Variants in SPC24 observed in about 807,000 individuals in gnomAD.
SPC24 encodes the protein SPC24 component of NDC80 kinetochore complex.
Under a neutral mutation model 27.6 loss-of-function variants are expected in SPC24, and 31 were observed. The ratio of observed to expected loss-of-function variants is 1.12; its 90% confidence interval spans 0.84 to 1.52. The LOEUF is 1.52. Ranked by LOEUF, SPC24 falls within the 40% of genes most tolerant of loss-of-function variation. The pLI is 0.00. For missense variants in SPC24, 284 were observed against 252.5 expected, an observed-to-expected ratio of 1.12 and a Z score of -0.84; for synonymous variants, 105 against 105.8, an observed-to-expected ratio of 0.99 and a Z score of 0.05.
chr19:11,147,924 A>G (rs1568630651), intron 3 of SPC24, 30 bp from the exon 4 acceptor site: 14 of 685,376 alleles, frequency 2.0e-5, no homozygotes, highest in South Asian at 3.8e-5. Context: ...AAAAAAAAAA[A>G]AAAAAAGAAA....
At position 11,148,126 on chromosome 19, in the gene SPC24, G is replaced by A; in HGVS notation, c.306-9C>T. 1 of 1,606,062 alleles carries A rather than the reference G, an allele frequency of 6.2e-7. No homozygotes were observed. Among genetic ancestry groups the A allele is most frequent in the South Asian group, 1.1e-5 (1 of 90,534 alleles). ...GCTCTCTGGTGAGCTGAGTAGGGCAGGTCGTTAAGGACCCCGGCTTTCGAG... is the reference window on the plus strand; with the variant it reads ...GCTCTCTGGTGAGCTGAGTAGGGCAAGTCGTTAAGGACCCCGGCTTTCGAG... On this transcript the variant is annotated splice_polypyrimidine_tract_variant and intron_variant, in intron 2 of 4. Coordinates refer to ENST00000592540, the MANE Select transcript of SPC24 (RefSeq NM_182513.4).
At chr19:11,154,317 T>G (rs2077895382) in intron 1 of SPC24, among the ~76,000 whole-genome samples, 1 of 152,040 alleles carries the variant, frequency 6.6e-6, no homozygotes, top group Non-Finnish European at 1.5e-5. Flanking sequence ...AGGTGGGCGA[T>G]CACTTGAGGC....
chr19:11,147,384 A>G (rs1434153709), intron 4 of SPC24, 95 bp from the exon 5 acceptor site: 5 of 823,094 alleles, frequency 6.1e-6, no homozygotes, highest in African/African-American at 5.2e-5. Flanking sequence ...TTTTTGAGAC[A>G]AAGTTTCATT....
In SPC24 at chr19:11,155,689, G is replaced by A. The variant is rs1414034183; in HGVS notation, c.88C>T (p.Leu30=). The part of the protein sequence containing the change: ...ANRAEAQQRR[L]LGRHEQVVER... ...ACCACCTGCTCGTGGCGCCCCAGCA[G>A]CCGTCGCTGCTGCGCCTCCGCGCGG... The change falls in exon 1 of 5, where the codon CTG becomes TTG. Residue 30 remains leucine, a synonymous_variant. Transcript: ENST00000592540. 1 of 1,565,142 alleles carries A rather than the reference G, an allele frequency of 6.4e-7. No homozygotes were observed. The highest frequency in any genetic ancestry group is 8.6e-7 in the Non-Finnish European group (1 of 1,163,188).
At chr19:11,149,038 C>T (rs902306954) in intron 2 of SPC24, 56 bp downstream of exon 2, 17 of 1,413,486 alleles carry the variant, frequency 1.2e-5, no homozygotes, top group African/African-American at 1.2e-4. Context: ...TGAGCCACTG[C>T]GCCTGGCCCT....
intron 1 of SPC24, among the ~76,000 whole-genome samples, chr19:11,151,690 A>T (rs1021950833): frequency 6.6e-5 from 10 of 151,438 alleles, no homozygotes; most frequent in African/African-American, 2.4e-4. Context: ...GCTCACTGCA[A>T]CCTCCGCCTC....
intron 2 of SPC24, among the ~76,000 whole-genome samples, chr19:11,148,598 G>A (rs956507067): frequency 4.6e-5 from 7 of 151,522 alleles, no homozygotes; most frequent in African/African-American, 7.3e-5. Context: ...CTCCCACCTC[G>A]GCCTCCCAAG....
chr19:11,147,442 C>A (rs1009571898), intron 4 of SPC24, among the ~76,000 whole-genome samples, 153 bp from the exon 5 acceptor site: 22 of 151,810 alleles, frequency 1.4e-4, no homozygotes, highest in Non-Finnish European at 3.2e-4. Context: ...CTCATTGCAA[C>A]CTCCACCTCC....
chr19:11,149,857 C>T (rs888254648), intron 1 of SPC24, among the ~76,000 whole-genome samples: 4 of 151,054 alleles, frequency 2.6e-5, no homozygotes, highest in Non-Finnish European at 4.4e-5. Context: ...ATTACATGCG[C>T]CTGCCACGAC....
chr19:11,147,603 TTACTA>T lies in SPC24; in HGVS notation c.487+210_487+214del, dbSNP rs2077836607. On this transcript the variant is annotated intron_variant, in intron 4 of 4. Transcript: ENST00000592540. ...GGTACCACACTTGGCCTGCTATACT[TTACTA>T]TATTTATTATAGACGTGGGGTCTCA... 5.1e-6 allele frequency: 3 copies of T among 588,122 alleles called. No individual in the cohort carries two copies. In the Admixed American group the frequency reaches 9.0e-5, roughly 18 times the overall value. The allele number at this position is 588,122 out of a possible 1,614,324, so 36.4% of individuals were successfully genotyped here. A position where few individuals can be genotyped will look rare whatever the true frequency, so the allele number is the denominator to read the frequency against.
At chr19:11,152,751 G>T (rs1395508137) in intron 1 of SPC24, among the ~76,000 whole-genome samples, 2 of 152,080 alleles carry the variant, frequency 1.3e-5, no homozygotes, top group East Asian at 1.9e-4. Flanking sequence ...CATCAAAGGA[G>T]GGGGAGTTAA....
At chr19:11,148,646 TATTG>T (rs1001709255) in intron 2 of SPC24, among the ~76,000 whole-genome samples, 10 of 151,514 alleles carry the variant, frequency 6.6e-5, no homozygotes, top group East Asian at 2.0e-4. Context: ...ATGCCCAGCT[TATTG>T]ATTGATTGAT....
At chr19:11,148,142 G>A (rs544845183) in intron 2 of SPC24, 25 bp from the exon 3 acceptor site, 28 of 1,562,024 alleles carry the variant, frequency 1.8e-5, no homozygotes, top group Middle Eastern at 1.8e-4. Flanking sequence ...TAAGGACCCC[G>A]GCTTTCGAGA....
chr19:11,155,312 T>A (rs1279481627), intron 1 of SPC24, among the ~76,000 whole-genome samples: 1 of 152,072 alleles, frequency 6.6e-6, no homozygotes, highest in East Asian at 1.9e-4. Flanking sequence ...ACCCGGAGCT[T>A]TGACTCCTGA....
intron 4 of SPC24, among the ~76,000 whole-genome samples, 158 bp from the exon 5 acceptor site, chr19:11,147,447 A>G (rs9636197): frequency 0.92 from 139,755 of 151,844 alleles, 64,460 homozygotes; most frequent in Middle Eastern, 0.97. Context: ...TGCAACCTCC[A>G]CCTCCAGTGG....
At chr19:11,155,417 T>TG (rs1173651157) in intron 1 of SPC24, among the ~76,000 whole-genome samples, 200 bp downstream of exon 1, 4 of 151,982 alleles carry the variant, frequency 2.6e-5, no homozygotes, top group African/African-American at 9.7e-5. Context: ...ACTAAACCCC[T>TG]GGGGGGTGGG....
chr19:11,150,415 G>A (rs2077862058), intron 1 of SPC24, among the ~76,000 whole-genome samples: 2 of 151,972 alleles, frequency 1.3e-5, no homozygotes, highest in Non-Finnish European at 2.9e-5. Context: ...GAACCTGGGA[G>A]GCGGAGGTTG....
intron 1 of SPC24, among the ~76,000 whole-genome samples, chr19:11,153,536 C>A (rs112624210): frequency 6.8e-6 from 1 of 147,880 alleles, no homozygotes; most frequent in Non-Finnish European, 1.5e-5. Flanking sequence ...CCGAGGCGGG[C>A]GGATCACGAG....
intron 1 of SPC24, among the ~76,000 whole-genome samples, chr19:11,150,185 CAAAAA>C (rs770061574): frequency 2.8e-4 from 9 of 32,276 alleles, no homozygotes; most frequent in African/African-American, 1.2e-3. Flanking sequence ...AACTCCATCT[CAAAAA>C]AAAAAAAAAA....
Sources: gnomAD v4.1 joint callset for allele counts (sites outside exome capture counted in the v4.1 genomes callset) on GRCh38, gnomAD v4.1.1 for gene constraint, MANE v1.5 for transcripts, NCBI Gene and HGNC (gene_info 2026-07-23, HGNC 2026-07-21) for gene names.